CNDP2: variants seen among roughly 807,000 people sequenced by gnomAD.
The protein encoded by CNDP2 is cytosolic non-specific dipeptidase.
A neutral mutation model predicts 55.0 loss-of-function variants in CNDP2; 38 were observed. The ratio of observed to expected loss-of-function variants is 0.69; its 90% CI spans 0.53 to 0.90. CNDP2 has a LOEUF of 0.90. CNDP2 is among the 40% of genes least tolerant of loss of function. The probability of loss-of-function intolerance (pLI) is 0.00; values close to 1 mark genes in which losing one functional copy is unlikely to be tolerated. For missense variants in CNDP2, 607 were observed against 621.7 expected (o/e 0.98, Z 0.25); for synonymous variants, 241 against 260.2 (o/e 0.93, Z 0.71).
intron 2 of CNDP2, among the ~76,000 whole-genome samples, chr18:74,500,688 C>CA (rs1407365256): frequency 6.6e-6 from 1 of 152,222 alleles, no homozygotes; most frequent in Non-Finnish European, 1.5e-5. Flanking sequence ...AAGCCACAGA[C>CA]AAAACCTCTC....
At chr18:74,500,219 T>C (rs1394224523) in intron 2 of CNDP2, among the ~76,000 whole-genome samples, 186 bp downstream of exon 2, 1 of 152,252 alleles carries the variant, frequency 6.6e-6, no homozygotes, top group Non-Finnish European at 1.5e-5. Flanking sequence ...AAAGTGTTAA[T>C]GTATGTTTCT....
rs569192142 is a variant in CNDP2, at chr18:74,518,211, G to C, written c.1069-288G>C. On this transcript the variant is annotated intron_variant, in intron 9 of 11. Coordinates refer to ENST00000324262, the MANE Select transcript of CNDP2 (RefSeq NM_018235.3). ...CGGGAGGCGGAGCTTGCAGTGAGCC[G>C]AGATCACGCCACTGTGCTCCAGCCT... The C allele has an allele frequency of 9.4e-6, 2 of 211,892 alleles. 1 individual carries two copies. The highest frequency in any genetic ancestry group is 1.6e-4 in the South Asian group (2 of 12,608). 13.1% of individuals were successfully genotyped at this position (211,892 alleles called of 1,614,324 possible). A position where few individuals can be genotyped will look rare whatever the true frequency, so the allele number is the denominator to read the frequency against.
In CNDP2 at chr18:74,499,905, G is replaced by C; in HGVS notation, c.-69G>C. On this transcript the variant is annotated 5_prime_UTR_variant, in exon 2 of 12. Transcript: ENST00000324262. ...AGGTCGCCCCTCAGTCTCCACTAGA[G>C]ACAGGACTGACCAGTTGCTCTTCCT... 6.9e-7 allele frequency: 1 copy of C among 1,445,434 alleles called. No individual in the cohort carries two copies. The allele number at this position is 1,445,434 out of a possible 1,614,324, so 89.5% of individuals were successfully genotyped here.
rs1978608080 is a variant in CNDP2 at position 74,500,031 on chromosome 18, A to G, written c.58A>G (p.Lys20Glu). The part of the protein sequence containing the change: ...YIDENQDRYI[K>E]KLAKWVAIQS... ...AGATGAAAATCAGGATCGCTACATTAAGGTAAGGGAATATTCATTTTAGGA... is the reference window on the plus strand; with the variant it reads ...AGATGAAAATCAGGATCGCTACATTGAGGTAAGGGAATATTCATTTTAGGA... The change falls in exon 2 of 12, where the codon AAG (lysine) becomes GAG (glutamate). Residue 20 changes from lysine (K) to glutamate (E), a missense_variant and splice_region_variant. Transcript: ENST00000324262. The G allele has an allele frequency of 6.2e-7, 1 of 1,612,830 alleles. No individual in the cohort carries two copies. Among genetic ancestry groups the G allele is most frequent in the African/African-American group, 1.3e-5 (1 of 74,906 alleles).
intron 8 of CNDP2, 53 bp downstream of exon 8, chr18:74,513,772 G>A: frequency 6.3e-7 from 1 of 1,581,240 alleles, no homozygotes; most frequent in Non-Finnish European, 8.6e-7. Context: ...TGTGACACAG[G>A]TGTCCCCCAG....
At chr18:74,508,640 C>G in intron 4 of CNDP2, 200 bp from the exon 5 acceptor site, 1 of 550,528 alleles carries the variant, frequency 1.8e-6, no homozygotes, top group East Asian at 2.9e-5. Flanking sequence ...GGAGCATCCA[C>G]GTGGCTTATC....
At chr18:74,516,445 G>A (rs1300391496) in intron 9 of CNDP2, 53 bp downstream of exon 9, 2 of 1,527,826 alleles carry the variant, frequency 1.3e-6, no homozygotes, top group Non-Finnish European at 1.8e-6. Context: ...TGTCCGGGCA[G>A]AGACTTGGGT....
chr18:74,501,758 T>C (rs889040319), intron 3 of CNDP2, among the ~76,000 whole-genome samples: 2 of 152,186 alleles, frequency 1.3e-5, no homozygotes, highest in African/African-American at 4.8e-5. Context: ...ATGGCTGAGA[T>C]TCCCCTCCCA....
chr18:74,515,923 C>T (rs1400591509), intron 8 of CNDP2, among the ~76,000 whole-genome samples: 2 of 152,244 alleles, frequency 1.3e-5, no homozygotes. Context: ...CCCAGTTCTA[C>T]AGGTGCTCAG....
In CNDP2 at chr18:74,500,132, C is replaced by T. The variant is rs1025617806; in HGVS notation, c.60+99C>T. On this transcript the variant is annotated intron_variant, in intron 2 of 11. Transcript: ENST00000324262. ...CTAATATGAATTATGCCATTTAAAT[C>T]CAGGGTTAGAAGATCTGCCTAGAGA... 5 of 1,001,846 alleles carry T rather than the reference C, an allele frequency of 5.0e-6. No homozygotes were observed. In the East Asian group the frequency reaches 1.0e-4, roughly 20 times the overall value. The allele number at this position is 1,001,846 out of a possible 1,614,324, so 62.1% of individuals were successfully genotyped here.
Position 74,520,419 on chromosome 18 carries a change from C to T in CNDP2, c.*351C>T, listed in dbSNP as rs1979986174. The T allele has an allele frequency of 4.2e-6, 1 of 240,088 alleles. No individual in the cohort carries two copies. Among genetic ancestry groups the T allele is most frequent in the African/African-American group, 2.3e-5 (1 of 43,588 alleles). 14.9% of individuals were successfully genotyped at this position (240,088 alleles called of 1,614,324 possible). Reference sequence around the variant, plus strand: ...ACCTATAATCGAGCACTTTGGGAGGCCAAGACAGGAGGATCACTTGAGGCC... The same window carrying T: ...ACCTATAATCGAGCACTTTGGGAGGTCAAGACAGGAGGATCACTTGAGGCC... On this transcript the variant is annotated 3_prime_UTR_variant, in exon 12 of 12. Transcript: ENST00000324262.
At position 74,522,635 on chromosome 18, in the gene CNDP2, G is replaced by C. The variant is rs977088135; in HGVS notation, c.*2567G>C. On this transcript the variant is annotated 3_prime_UTR_variant, in exon 12 of 12. Transcript: ENST00000324262. ...CCTCTTGCTCTCTCTACCCCTCTCT[G>C]AGCCCTTGTGTTGTGGGATGACACA... 6.6e-6 allele frequency: 1 copy of C among 152,310 alleles called. No individual in the cohort carries two copies. The highest frequency in any genetic ancestry group is 1.5e-5 in the Non-Finnish European group (1 of 68,124). The allele number at this position is 152,310 out of a possible 1,614,324, so 9.4% of individuals were successfully genotyped here.
chr18:74,512,542 G>T lies in CNDP2; in HGVS notation c.742+10G>T. On this transcript the variant is annotated intron_variant, in intron 7 of 11. Coordinates refer to ENST00000324262, the MANE Select transcript of CNDP2 (RefSeq NM_018235.3). ...CTCATTTTGCTGATGGGTAAGTGCG[G>T]GATGGCATTCAGTCCGCAGTTGAGG... The T allele has an allele frequency of 6.2e-7, 1 of 1,612,804 alleles. No homozygotes were observed. Among genetic ancestry groups the T allele is most frequent in the Non-Finnish European group, 8.5e-7 (1 of 1,179,076 alleles).
At chr18:74,517,232 A>T (rs757488002) in intron 9 of CNDP2, 15 of 152,186 alleles carry the variant, frequency 9.9e-5, no homozygotes, top group Non-Finnish European at 2.1e-4. Context: ...AAAAAAAACT[A>T]CTAAAGAAAA....
chr18:74,506,022 C>G lies in CNDP2; in HGVS notation c.367+11C>G. On this transcript the variant is annotated intron_variant, in intron 4 of 11. Coordinates refer to ENST00000324262, the MANE Select transcript of CNDP2 (RefSeq NM_018235.3). ...TGGTGGAGCGAGACGGTGAGCGCCGCGCGCCTATGCGTGCCCAGAGGAAAG... is the reference window on the plus strand; with the variant it reads ...TGGTGGAGCGAGACGGTGAGCGCCGGGCGCCTATGCGTGCCCAGAGGAAAG... The G allele has an allele frequency of 5.8e-6, 9 of 1,553,534 alleles. No homozygotes were observed. Among genetic ancestry groups the G allele is most frequent in the Non-Finnish European group, 7.8e-6 (9 of 1,155,626 alleles).
In CNDP2 at chr18:74,521,739, A is replaced by G. The variant is rs1980059570; in HGVS notation, c.*1671A>G. ...GATGAAGAATCTCTGCTCATGTGGGAGGAAGGTGGGAGATCAAAGCTGGAG... is the reference window on the plus strand; with the variant it reads ...GATGAAGAATCTCTGCTCATGTGGGGGGAAGGTGGGAGATCAAAGCTGGAG... On this transcript the variant is annotated 3_prime_UTR_variant, in exon 12 of 12. Transcript: ENST00000324262. 1 of 152,298 alleles carries G rather than the reference A, an allele frequency of 6.6e-6. No homozygotes were observed. Among genetic ancestry groups the G allele is most frequent in the African/African-American group, 2.4e-5 (1 of 41,446 alleles). The allele number at this position is 152,298 out of a possible 1,614,324, so 9.4% of individuals were successfully genotyped here. A position where few individuals can be genotyped will look rare whatever the true frequency, so the allele number is the denominator to read the frequency against.
At chr18:74,506,131 A>T in intron 4 of CNDP2, 120 bp downstream of exon 4, 1 of 961,698 alleles carries the variant, frequency 1.0e-6, no homozygotes. Flanking sequence ...TTATTTTATT[A>T]CTTTTTAAAA....
chr18:74,516,930 T>G (rs1979704111), intron 9 of CNDP2: 1 of 152,984 alleles, frequency 6.5e-6, no homozygotes, highest in African/African-American at 2.4e-5. Context: ...TCATTGATTT[T>G]ATGAAGTACC....
chr18:74,499,785 G>T (rs1978587022), intron 1 of CNDP2, 97 bp from the exon 2 acceptor site: 2 of 455,708 alleles, frequency 4.4e-6, no homozygotes, highest in South Asian at 5.3e-5. Context: ...CTCTGAAGCC[G>T]CAGTCACTTC....
Sources: allele counts gnomAD v4.1 joint callset (sites outside exome capture counted in the v4.1 genomes callset), GRCh38; gene constraint gnomAD v4.1.1; transcripts MANE v1.5; gene names NCBI Gene and HGNC (gene_info 2026-07-23, HGNC 2026-07-21).